ECT2: variants seen among roughly 807,000 people sequenced by gnomAD.
ECT2 encodes protein ECT2.
In ECT2, 61 loss-of-function variants were observed where a neutral mutation model predicts 116.9. That is an observed-to-expected ratio of 0.52 (90% CI 0.42 to 0.65). The LOEUF (loss-of-function observed/expected upper bound fraction) is 0.65, where lower values mean the gene tolerates loss of function less well. Ranked by LOEUF, ECT2 falls within the 30% of genes least tolerant of loss-of-function variation. The pLI, the probability that ECT2 is intolerant of heterozygous loss-of-function variation, is 0.00. For synonymous variants in ECT2, 358 were observed against 346.4 expected (o/e 1.03, Z -0.37); for missense variants, 937 against 1,078.7 (o/e 0.87, Z 1.84).
intron 18 of ECT2, among the ~76,000 whole-genome samples, chr3:172,791,443 T>A (rs1288311646): frequency 6.6e-6 from 1 of 152,224 alleles, no homozygotes; most frequent in African/African-American, 2.4e-5. Context: ...ACACTGAAAA[T>A]CTGTTGTTTA....
At chr3:172,781,967 GT>G (rs1722770223) in intron 14 of ECT2, among the ~76,000 whole-genome samples, 195 bp from the exon 15 acceptor site, 1 of 152,106 alleles carries the variant, frequency 6.6e-6, no homozygotes, top group African/African-American at 2.4e-5. Flanking sequence ...TTTTAAAAAT[GT>G]TTTTCAAAGG....
At chr3:172,787,885 A>G (rs1234802415) in intron 18 of ECT2, among the ~76,000 whole-genome samples, 1 of 152,220 alleles carries the variant, frequency 6.6e-6, no homozygotes, top group Non-Finnish European at 1.5e-5. Context: ...TTATAAAGTA[A>G]GTAAGGAAAA....
intron 13 of ECT2, among the ~76,000 whole-genome samples, chr3:172,769,364 A>G (rs925205631): frequency 3.9e-5 from 6 of 152,180 alleles, no homozygotes; most frequent in African/African-American, 1.4e-4. Context: ...TAATTACTTT[A>G]AAGAGAACAG....
chr3:172,824,766 CTATTTTATT>C (rs765499523), downstream of ECT2, among the ~76,000 whole-genome samples: 1 of 152,106 alleles, frequency 6.6e-6, no homozygotes, highest in Non-Finnish European at 1.5e-5. Flanking sequence ...TGAGTGGACT[CTATTTTATT>C]CACCCAATCC....
intron 18 of ECT2, among the ~76,000 whole-genome samples, chr3:172,797,046 G>GTGTGTGTGTC (rs1472029901): frequency 6.6e-6 from 1 of 151,604 alleles, no homozygotes; most frequent in Admixed American, 6.6e-5. Context: ...GTGTGTGTGT[G>GTGTGTGTGTC]TGTGTGTCAG....
intron 13 of ECT2, among the ~76,000 whole-genome samples, chr3:172,772,058 C>A (rs564563989): frequency 2.0e-5 from 3 of 152,060 alleles, no homozygotes; most frequent in Non-Finnish European, 2.9e-5. Context: ...TGCAGTGGTG[C>A]AATCTTGATT....
At chr3:172,811,345 G>A (rs1393754480) in intron 22 of ECT2, among the ~76,000 whole-genome samples, 1 of 152,138 alleles carries the variant, frequency 6.6e-6, no homozygotes, top group Non-Finnish European at 1.5e-5. Flanking sequence ...TGTGCGGAGA[G>A]CACTAAAGGA....
At chr3:172,772,613 A>T (rs1002592585) in intron 13 of ECT2, among the ~76,000 whole-genome samples, 4 of 152,098 alleles carry the variant, frequency 2.6e-5, no homozygotes, top group Non-Finnish European at 5.9e-5. Flanking sequence ...AAGAAAAGTA[A>T]ATTTTTATTC....
At chr3:172,784,282 A>G (rs1723225601) in intron 16 of ECT2, among the ~76,000 whole-genome samples, 1 of 152,148 alleles carries the variant, frequency 6.6e-6, no homozygotes, top group South Asian at 2.1e-4. Flanking sequence ...TCCCATCTCT[A>G]CAAAAAGTTT....
chr3:172,828,362 G>C, the ECT2 span, among the ~76,000 whole-genome samples: 1 of 152,092 alleles, frequency 6.6e-6, no homozygotes, highest in Admixed American at 6.6e-5. Flanking sequence ...GGCTGTGTCT[G>C]TGTGTGTGCA....
chr3:172,828,615 C>CT, the ECT2 span: 9,064 of 154,402 alleles, frequency 0.059, 947 homozygotes, highest in African/African-American at 0.22. Context: ...AAACTGGTAT[C>CT]TTTTTTTTTT....
chr3:172,787,877 A>G (rs1373587607), intron 18 of ECT2, among the ~76,000 whole-genome samples: 1 of 152,242 alleles, frequency 6.6e-6, no homozygotes. Flanking sequence ...AGCAAAGATT[A>G]TAAAGTAAGT....
Position 172,764,289 on chromosome 3 carries a change from T to A in ECT2, c.1080T>A (p.Pro360=). 1 of 1,614,094 alleles carries A rather than the reference T, an allele frequency of 6.2e-7. No individual in the cohort carries two copies. Among genetic ancestry groups the A allele is most frequent in the Admixed American group, 1.7e-5 (1 of 60,030 alleles). ...TMYLYEKANT[P]ELKKSVSMLS... ...GCTTTTGATTACAGGCAAATACTCC[T>A]GAGCTCAAGAAATCAGTGTCAATGC... The change falls in exon 12 of 25, where the codon CCT becomes CCA. Residue 360 remains proline (P), a synonymous_variant. Transcript: ENST00000392692.
chr3:172,758,891 G>T, intron 5 of ECT2, 89 bp from the exon 6 acceptor site: 2 of 1,129,496 alleles, frequency 1.8e-6, no homozygotes, highest in South Asian at 1.4e-5. Context: ...AATGGCAAGA[G>T]GGGAAATGAA....
At chr3:172,753,783 A>G (rs1244603479) in intron 1 of ECT2, among the ~76,000 whole-genome samples, 2 of 152,186 alleles carry the variant, frequency 1.3e-5, no homozygotes, top group Non-Finnish European at 2.9e-5. Context: ...GGACTGGGGT[A>G]GTTACAGATG....
chr3:172,756,921 G>A, intron 4 of ECT2, 62 bp from the exon 5 acceptor site: 1 of 1,376,794 alleles, frequency 7.3e-7, no homozygotes, highest in Admixed American at 2.4e-5. Flanking sequence ...CTTATTTAGA[G>A]AGACAGATGG....
At chr3:172,764,235 A>G in intron 11 of ECT2, 43 bp from the exon 12 acceptor site, 1 of 1,544,654 alleles carries the variant, frequency 6.5e-7, no homozygotes, top group Non-Finnish European at 8.9e-7. Flanking sequence ...GTCTCAGTAA[A>G]GAACCATGGA....
At chr3:172,759,876 G>T (rs1474238584) in intron 6 of ECT2, among the ~76,000 whole-genome samples, 8 of 152,050 alleles carry the variant, frequency 5.3e-5, no homozygotes, top group Non-Finnish European at 7.4e-5. Flanking sequence ...ACACAGTATG[G>T]TATTAAAAAG....
intron 17 of ECT2, among the ~76,000 whole-genome samples, chr3:172,785,282 TA>T: frequency 6.6e-6 from 1 of 152,308 alleles, no homozygotes; most frequent in East Asian, 1.9e-4. Flanking sequence ...TAGGTATCAA[TA>T]GAGTTTTACA....
Sources: gnomAD v4.1 joint callset for allele counts (sites outside exome capture counted in the v4.1 genomes callset) on GRCh38, gnomAD v4.1.1 for gene constraint, MANE v1.5 for transcripts, NCBI Gene and HGNC (gene_info 2026-07-23, HGNC 2026-07-21) for gene names.